The following SEM1 variants were observed in gnomAD, a reference collection of about 807,000 sequenced individuals.
SEM1 encodes 26S proteasome complex subunit SEM1.
In SEM1, 3 loss-of-function variants were observed where a neutral mutation model predicts 12.7. The ratio of observed to expected loss-of-function variants is 0.24; its 90% CI spans 0.11 to 0.61. SEM1 has a LOEUF of 0.61. Ranked by LOEUF, SEM1 falls within the 20% of genes least tolerant of loss-of-function variation. The pLI is 0.88. For synonymous variants in SEM1, 30 were observed against 27.8 expected (o/e 1.08, Z -0.25); for missense variants, 59 against 81.3 (o/e 0.73, Z 1.06).
At chr7:96,552,812 C>G (rs1481865880) in intron 2 of SEM1, among the ~76,000 whole-genome samples, 1 of 151,886 alleles carries the variant, frequency 6.6e-6, no homozygotes, top group Non-Finnish European at 1.5e-5. Flanking sequence ...GTCCCACCAA[C>G]AGTATAAAAG....
chr7:96,503,605 C>G (rs1286787107), intron 3 of SEM1: 2 of 152,114 alleles, frequency 1.3e-5, no homozygotes, highest in Non-Finnish European at 2.9e-5. Flanking sequence ...TCTTAGATAT[C>G]TGGTGTGCTG....
At chr7:96,494,106 C>A (rs1803139623) in intron 1 of SEM1, among the ~76,000 whole-genome samples, 1 of 152,106 alleles carries the variant, frequency 6.6e-6, no homozygotes. Context: ...AACTGCTTTA[C>A]ACCTAGGAAG....
intron 2 of SEM1, among the ~76,000 whole-genome samples, chr7:96,674,527 G>C (rs1002072357): frequency 2.0e-5 from 3 of 152,010 alleles, no homozygotes. Context: ...AGCTGAGCGT[G>C]GTGGTGCATG....
intron 2 of SEM1, among the ~76,000 whole-genome samples, chr7:96,573,860 G>T (rs1405781276): frequency 1.3e-5 from 2 of 151,942 alleles, no homozygotes; most frequent in African/African-American, 4.8e-5. Flanking sequence ...TTCCAACTTG[G>T]TTCCATTCTC....
intron 2 of SEM1, among the ~76,000 whole-genome samples, chr7:96,586,608 A>G (rs141207051): frequency 2.4e-4 from 36 of 152,288 alleles, no homozygotes; most frequent in Middle Eastern, 3.4e-3. Flanking sequence ...TTTAATCTCT[A>G]TTCTCCAAAA....
chr7:96,582,182 G>T (rs1246878027), intron 2 of SEM1, among the ~76,000 whole-genome samples: 4 of 151,418 alleles, frequency 2.6e-5, no homozygotes, highest in Non-Finnish European at 5.9e-5. Flanking sequence ...TTTGCATGAA[G>T]GGTTGTTGAA....
intron 2 of SEM1, among the ~76,000 whole-genome samples, chr7:96,553,633 C>T (rs1805373499): frequency 6.6e-6 from 1 of 152,132 alleles, no homozygotes; most frequent in African/African-American, 2.4e-5. Context: ...TAGTGTGATG[C>T]CTCCAGCTTT....
At chr7:96,604,936 A>G (rs926954095) in intron 2 of SEM1, among the ~76,000 whole-genome samples, 4 of 151,850 alleles carry the variant, frequency 2.6e-5, no homozygotes, top group Non-Finnish European at 4.4e-5. Flanking sequence ...ATAAACAAAC[A>G]AAAACCCCAA....
chr7:96,572,328 T>C (rs934645097), intron 2 of SEM1, among the ~76,000 whole-genome samples: 1 of 152,212 alleles, frequency 6.6e-6, no homozygotes, highest in African/African-American at 2.4e-5. Context: ...TGCTAGCTTT[T>C]GAATGTGTTT....
chr7:96,638,157 G>C (rs1482296954), intron 2 of SEM1, among the ~76,000 whole-genome samples: 2 of 152,008 alleles, frequency 1.3e-5, no homozygotes, highest in Non-Finnish European at 2.9e-5. Context: ...CATTCTTCCA[G>C]TTTCAAGATG....
intron 1 of SEM1, among the ~76,000 whole-genome samples, chr7:96,701,124 C>T (rs558373501): frequency 4.8e-4 from 73 of 152,088 alleles, no homozygotes; most frequent in African/African-American, 1.6e-3. Context: ...ATCCAAACTC[C>T]TAAGTACATT....
intron 1 of SEM1, among the ~76,000 whole-genome samples, chr7:96,708,452 C>A (rs1790538407): frequency 6.6e-6 from 1 of 152,222 alleles, no homozygotes; most frequent in African/African-American, 2.4e-5. Flanking sequence ...GGGTATACAA[C>A]TTGGGACAAT....
At chr7:96,612,115 A>C (rs1223185362) in intron 2 of SEM1, among the ~76,000 whole-genome samples, 1 of 152,226 alleles carries the variant, frequency 6.6e-6, no homozygotes, top group Non-Finnish European at 1.5e-5. Flanking sequence ...ATCATTGAGT[A>C]GGCGCTTCAC....
intron 2 of SEM1, among the ~76,000 whole-genome samples, chr7:96,608,471 C>A (rs1807450109): frequency 6.6e-6 from 1 of 151,952 alleles, no homozygotes; most frequent in Non-Finnish European, 1.5e-5. Flanking sequence ...GTGTACAGTT[C>A]AATGGTTTCC....
chr7:96,650,542 GA>G (rs1808942934), intron 2 of SEM1: 2 of 744,260 alleles, frequency 2.7e-6, no homozygotes, highest in Admixed American at 3.6e-5. Context: ...AGGAGAGAAA[GA>G]TAAGAAATTC....
chr7:96,501,433 C>A (rs184772626), intron 3 of SEM1, among the ~76,000 whole-genome samples: 3 of 150,198 alleles, frequency 2.0e-5, no homozygotes, highest in Non-Finnish European at 4.5e-5. Flanking sequence ...GTATATAGAC[C>A]TTTCACACAC....
chr7:96,666,551 GATT>G (rs1383635699), intron 2 of SEM1, among the ~76,000 whole-genome samples: 9 of 151,934 alleles, frequency 5.9e-5, no homozygotes, highest in African/African-American at 2.2e-4. Flanking sequence ...TTAATATAAT[GATT>G]ATTACTTGGT....
At chr7:96,619,396 A>G (rs73228322), downstream of SEM1, among the ~76,000 whole-genome samples, 39,543 of 151,914 alleles carry the variant, frequency 0.26, 5,152 homozygotes, top group Middle Eastern at 0.31. Flanking sequence ...TTAGTGACTT[A>G]AGGCATAGCT....
chr7:96,590,055 A>G (rs1806779912), intron 2 of SEM1, among the ~76,000 whole-genome samples: 1 of 152,188 alleles, frequency 6.6e-6, no homozygotes, highest in African/African-American at 2.4e-5. Flanking sequence ...TGCCAATTAT[A>G]TTTTATTTTT....
Sources: gnomAD v4.1 joint callset for allele counts (sites outside exome capture counted in the v4.1 genomes callset) on GRCh38, gnomAD v4.1.1 for gene constraint, MANE v1.5 for transcripts, NCBI Gene and HGNC (gene_info 2026-07-23, HGNC 2026-07-21) for gene names.